GATC: variants seen among roughly 807,000 people sequenced by gnomAD.
GATC encodes the protein glutamyl-tRNA(Gln) amidotransferase subunit C, mitochondrial.
GATC carries 11 observed loss-of-function variants against 14.4 expected under a neutral mutation model. The observed-to-expected ratio is 0.77, with a 90% CI of 0.48 to 1.27. The LOEUF is 1.27. Ranked by LOEUF, GATC falls within the 50% of genes most tolerant of loss-of-function variation. GATC has a pLI of 0.00. For synonymous variants in GATC, 76 were observed against 79.3 expected (o/e 0.96, Z 0.22); for missense variants, 204 against 183.0 (o/e 1.11, Z -0.66).
At chr12:120,458,928 T>G (rs1357170707) in intron 3 of GATC, among the ~76,000 whole-genome samples, 2 of 152,196 alleles carry the variant, frequency 1.3e-5, no homozygotes, top group East Asian at 3.9e-4. Flanking sequence ...TGGCGCGATC[T>G]CGGCTCACTG....
chr12:120,450,506 T>G (rs1173471291), intron 2 of GATC: 1 of 152,608 alleles, frequency 6.6e-6, no homozygotes, highest in African/African-American at 2.4e-5. Flanking sequence ...GTATAGAGCT[T>G]ATTTGGTGAA....
chr12:120,460,998 CAAAAAAA>C lies in GATC; in HGVS notation c.*1048_*1054del, dbSNP rs3044471. On this transcript the variant is annotated 3_prime_UTR_variant, in exon 4 of 4. Coordinates refer to ENST00000551765, the MANE Select transcript of GATC (RefSeq NM_176818.3). ...CCAGCCTGGGCGACAGAGCAAGTCT[CAAAAAAA>C]AAAAAAAAGTGATAGAATCAGAGAG... 7.1e-6 allele frequency: 1 copy of C among 140,100 alleles called. No homozygotes were observed. The highest frequency in any genetic ancestry group is 1.5e-5 in the Non-Finnish European group (1 of 64,998). 8.7% of individuals were successfully genotyped at this position (140,100 alleles called of 1,614,324 possible). A position where few individuals can be genotyped will look rare whatever the true frequency, so the allele number is the denominator to read the frequency against.
intron 3 of GATC, among the ~76,000 whole-genome samples, chr12:120,458,479 C>T (rs955791718): frequency 6.6e-6 from 1 of 152,224 alleles, no homozygotes; most frequent in African/African-American, 2.4e-5. Flanking sequence ...CAGGTGCAGT[C>T]TGTGAGCCAT....
rs546029461 is a variant in GATC, at chr12:120,455,933, A to G, written c.255-1143A>G. Among the ~76,000 whole-genome samples, 15 of 151,284 alleles carry G rather than the reference A, an allele frequency of 9.9e-5. No homozygotes were observed. In the East Asian group the frequency reaches 2.4e-3, roughly 24 times the overall value. On this transcript the variant is annotated intron_variant, in intron 2 of 3. Coordinates refer to ENST00000551765, the MANE Select transcript of GATC (RefSeq NM_176818.3). The stretch of plus-strand genomic sequence containing the variant: ...GATCTCCTGACCTCGTGATCCGCCC[A>G]CCTCGGCCTCCCAAAGTGCTGGGAT...
chr12:120,449,674 T>C (rs374858813), intron 2 of GATC, among the ~76,000 whole-genome samples: 31 of 152,226 alleles, frequency 2.0e-4, no homozygotes, highest in Admixed American at 6.5e-4. Flanking sequence ...CTTGAACTCC[T>C]GACCTCAGGT....
intron 2 of GATC, among the ~76,000 whole-genome samples, chr12:120,451,336 C>A (rs560289768): frequency 1.4e-4 from 21 of 151,598 alleles, no homozygotes; most frequent in African/African-American, 4.8e-4. Context: ...CCCAGCTACT[C>A]GGGAGGCTGA....
intron 2 of GATC, among the ~76,000 whole-genome samples, chr12:120,451,322 T>C (rs1274096963): frequency 2.0e-5 from 3 of 151,596 alleles, no homozygotes; most frequent in Non-Finnish European, 4.4e-5. Context: ...CAGGCGCCTG[T>C]AATCCCAGCT....
At chr12:120,452,322 C>G (rs1878072950) in intron 2 of GATC, among the ~76,000 whole-genome samples, 1 of 152,208 alleles carries the variant, frequency 6.6e-6, no homozygotes. Context: ...GAACTCAGAG[C>G]TTCTGCTGCC....
Position 120,462,000 on chromosome 12 carries a change from A to G in GATC, c.*2041A>G, listed in dbSNP as rs1306425293. On this transcript the variant is annotated 3_prime_UTR_variant, in exon 4 of 4. Transcript: ENST00000551765. ...CTCAGTTAACCTAAAAAATAAAGAA[A>G]AAATTCCCATCACCTGTCTCAGTAG... 1.3e-6 allele frequency: 2 copies of G among 1,590,534 alleles called. No homozygotes were observed. Among genetic ancestry groups the G allele is most frequent in the Non-Finnish European group, 1.7e-6 (2 of 1,169,160 alleles).
intron 2 of GATC, among the ~76,000 whole-genome samples, chr12:120,453,924 T>C (rs1395839765): frequency 6.6e-6 from 1 of 151,862 alleles, no homozygotes; most frequent in East Asian, 1.9e-4. Flanking sequence ...TAAATAGAAA[T>C]GTATGTATGT....
In GATC at chr12:120,462,333, T is replaced by C. The variant is rs969855264; in HGVS notation, c.*2374T>C. ...TCATAACATTATGAGGTAGGTACTC[T>C]TACTATCCCATTTCAAGAATGAAGA... On this transcript the variant is annotated 3_prime_UTR_variant, in exon 4 of 4. Coordinates refer to ENST00000551765, the MANE Select transcript of GATC (RefSeq NM_176818.3). The C allele has an allele frequency of 1.8e-6, 1 of 565,492 alleles. No individual in the cohort carries two copies. Among genetic ancestry groups the C allele is most frequent in the Non-Finnish European group, 2.9e-6 (1 of 348,052 alleles). 35.0% of individuals were successfully genotyped at this position (565,492 alleles called of 1,614,324 possible).
chr12:120,454,974 G>C, intron 2 of GATC: 1 of 452,092 alleles, frequency 2.2e-6, no homozygotes. Context: ...TACAAACTCT[G>C]CTTCCTACAT....
Position 120,462,750 on chromosome 12 carries a change from G to A in GATC, c.*2791G>A, listed in dbSNP as rs1878385997. ...TAAGGAATTAATAAGCAGCAGAGGAGTCATGTCCAGGCTGGCTTGTCCCCA... is the reference window on the plus strand; with the variant it reads ...TAAGGAATTAATAAGCAGCAGAGGAATCATGTCCAGGCTGGCTTGTCCCCA... On this transcript the variant is annotated 3_prime_UTR_variant, in exon 4 of 4. Coordinates refer to ENST00000551765, the MANE Select transcript of GATC (RefSeq NM_176818.3). 2 of 152,254 alleles carry A rather than the reference G, an allele frequency of 1.3e-5. No homozygotes were observed. The allele number at this position is 152,254 out of a possible 1,614,324, so 9.4% of individuals were successfully genotyped here.
In GATC at chr12:120,462,284, G is replaced by A. The variant is rs895378267; in HGVS notation, c.*2325G>A. Reference sequence around the variant, plus strand: ...GCACTTACTGTGTACTCTGTGCCTGGCATGAGGCTATCTCATTAAACCTTC... The same window carrying A: ...GCACTTACTGTGTACTCTGTGCCTGACATGAGGCTATCTCATTAAACCTTC... On this transcript the variant is annotated 3_prime_UTR_variant, in exon 4 of 4. Transcript: ENST00000551765. 2.9e-6 allele frequency: 3 copies of A among 1,030,874 alleles called. No homozygotes were observed. Among genetic ancestry groups the A allele is most frequent in the Non-Finnish European group, 4.1e-6 (3 of 723,366 alleles). 63.9% of individuals were successfully genotyped at this position (1,030,874 alleles called of 1,614,324 possible). A position where few individuals can be genotyped will look rare whatever the true frequency, so the allele number is the denominator to read the frequency against.
chr12:120,456,515 G>A (rs7957424), intron 2 of GATC, among the ~76,000 whole-genome samples: 85,504 of 151,532 alleles, frequency 0.56, 24,354 homozygotes, highest in East Asian at 0.66. Context: ...CTTCCACCCC[G>A]GCAGACCACA....
chr12:120,458,977 T>C (rs1276249656), intron 3 of GATC, among the ~76,000 whole-genome samples: 2 of 151,414 alleles, frequency 1.3e-5, no homozygotes, highest in South Asian at 2.1e-4. Context: ...TCTCCTGCCT[T>C]AGCCTCCCAA....
intron 3 of GATC, among the ~76,000 whole-genome samples, chr12:120,459,011 C>T (rs1796960265): frequency 6.6e-6 from 1 of 152,134 alleles, no homozygotes; most frequent in Non-Finnish European, 1.5e-5. Context: ...CAGGCGCCCA[C>T]CACAACGCCT....
chr12:120,456,579 A>G (rs923208079), intron 2 of GATC, among the ~76,000 whole-genome samples: 4 of 151,990 alleles, frequency 2.6e-5, no homozygotes, highest in Admixed American at 2.0e-4. Context: ...TCTCGGCTCT[A>G]TTGCTTTGGG....
intron 2 of GATC, among the ~76,000 whole-genome samples, chr12:120,451,966 T>C (rs192739514): frequency 2.1e-5 from 3 of 141,642 alleles, no homozygotes; most frequent in African/African-American, 7.7e-5. Context: ...AACCTCTGCC[T>C]CCCAGGTTGA....
Sources: gnomAD v4.1 joint callset for allele counts (sites outside exome capture counted in the v4.1 genomes callset) on GRCh38, gnomAD v4.1.1 for gene constraint, MANE v1.5 for transcripts, NCBI Gene and HGNC (gene_info 2026-07-23, HGNC 2026-07-21) for gene names.